SYNRG: variants seen among roughly 807,000 people sequenced by gnomAD.
SYNRG encodes AP1 gamma subunit binding protein 1.
SYNRG carries 37 observed loss-of-function variants against 130.9 expected under a neutral mutation model. That is an observed-to-expected ratio of 0.28 (90% CI 0.22 to 0.37). SYNRG has a LOEUF of 0.37. Ranked by LOEUF, SYNRG falls within the 10% of genes least tolerant of loss-of-function variation. The pLI is 1.00. For synonymous variants in SYNRG, 539 were observed against 568.1 expected (o/e 0.95, Z 0.73); for missense variants, 1,338 against 1,588.9 (o/e 0.84, Z 2.68).
chr17:37,540,373 C>T lies in SYNRG; in HGVS notation c.3366+7G>A. The T allele has an allele frequency of 6.2e-7, 1 of 1,613,204 alleles. No individual in the cohort carries two copies. The highest frequency in any genetic ancestry group is 1.1e-5 in the South Asian group (1 of 91,018). On this transcript the variant is annotated splice_region_variant and intron_variant, in intron 16 of 21. Transcript: ENST00000612223. ...TACCCACCCCTTGTAGAAAGCTCTC[C>T]TCTCACCTCCACCTCTCCCGTCAGG...
chr17:37,590,090 G>C (rs1050823480), intron 3 of SYNRG, among the ~76,000 whole-genome samples: 37 of 151,466 alleles, frequency 2.4e-4, no homozygotes, highest in African/African-American at 8.5e-4. Context: ...TGAATTACTT[G>C]AGCCCGGGAG....
chr17:37,565,733 G>T (rs796402846), intron 11 of SYNRG, among the ~76,000 whole-genome samples: 204 of 123,482 alleles, frequency 1.7e-3, no homozygotes, highest in Middle Eastern at 0.012. Context: ...CTGCCCGGCC[G>T]CGACCCTGTC....
At chr17:37,528,834 CACAG>C (rs1356062667) in intron 19 of SYNRG, among the ~76,000 whole-genome samples, 2 of 152,312 alleles carry the variant, frequency 1.3e-5, no homozygotes, top group African/African-American at 4.8e-5. Flanking sequence ...ACTCAAGTTT[CACAG>C]ACAGAGGACA....
chr17:37,540,845 G>C (rs2057693253), intron 15 of SYNRG: 1 of 918,358 alleles, frequency 1.1e-6, no homozygotes, highest in Non-Finnish European at 1.3e-6. Context: ...GTGTTGGCCA[G>C]GCTGGTCTCG....
chr17:37,556,638 A>G (rs756474537), intron 13 of SYNRG, among the ~76,000 whole-genome samples: 6 of 152,012 alleles, frequency 3.9e-5, no homozygotes, highest in Non-Finnish European at 8.8e-5. Flanking sequence ...ATCAACACCA[A>G]GGAATTCATC....
At position 37,609,320 on chromosome 17, in the gene SYNRG, G is replaced by C; in HGVS notation, c.36C>G (p.Gly12=). Reference sequence around the variant, plus strand: ...ACCCCGCGCCAGCTCCCGCGGCCCCGCCGCCACCAGAACCAGCTCCTGGCC... The same window carrying C: ...ACCCCGCGCCAGCTCCCGCGGCCCCCCCGCCACCAGAACCAGCTCCTGGCC... ...ALRPGAGSGG[G]GAAGAGAGSA... Residue 12 remains glycine (G), a synonymous_variant, in exon 1 of 22, where the codon GGC becomes GGG. Transcript: ENST00000612223. The C allele has an allele frequency of 1.4e-6, 2 of 1,465,702 alleles. No homozygotes were observed. Among genetic ancestry groups the C allele is most frequent in the East Asian group, 3.0e-5 (1 of 33,828 alleles). The allele number at this position is 1,465,702 out of a possible 1,614,324, so 90.8% of individuals were successfully genotyped here. A position where few individuals can be genotyped will look rare whatever the true frequency, so the allele number is the denominator to read the frequency against.
intron 12 of SYNRG, 59 bp from the exon 13 acceptor site, chr17:37,561,316 G>C: frequency 1.3e-6 from 2 of 1,572,360 alleles, no homozygotes; most frequent in Non-Finnish European, 1.7e-6. Context: ...CACAGCTCCA[G>C]GAAGTGAGGC....
At chr17:37,559,057 A>C (rs2059326614) in intron 13 of SYNRG, among the ~76,000 whole-genome samples, 1 of 152,200 alleles carries the variant, frequency 6.6e-6, no homozygotes, top group Non-Finnish European at 1.5e-5. Flanking sequence ...CCATGCTACT[A>C]ATGAAGGAAA....
At position 37,577,395 on chromosome 17, in the gene SYNRG, A is replaced by T; in HGVS notation, c.808T>A (p.Ser270Thr). ...ACGAGCTCACCACTCTCTTCAATTGACAGGTTTTGATCTGAAGTATTTTCT... is the reference window on the plus strand; with the variant it reads ...ACGAGCTCACCACTCTCTTCAATTGTCAGGTTTTGATCTGAAGTATTTTCT... ...EAENTSDQNL[S>T]IEESGVGVFP... Residue 270 changes from serine (S) to threonine (T), a missense_variant, in exon 7 of 22, where the codon TCA becomes ACA. Ser to Thr is a moderately conservative substitution (Grantham distance 58). Coordinates refer to ENST00000612223, the MANE Select transcript of SYNRG (RefSeq NM_007247.6). 1 of 1,614,190 alleles carries T rather than the reference A, an allele frequency of 6.2e-7. No individual in the cohort carries two copies.
chr17:37,588,036 T>C (rs1359580803), intron 3 of SYNRG, among the ~76,000 whole-genome samples: 3 of 152,174 alleles, frequency 2.0e-5, no homozygotes, highest in Non-Finnish European at 2.9e-5. Flanking sequence ...TGATTAATCA[T>C]CTTCATTATA....
chr17:37,521,877 A>C (rs1678708077), intron 19 of SYNRG, among the ~76,000 whole-genome samples: 1 of 152,082 alleles, frequency 6.6e-6, no homozygotes, highest in African/African-American at 2.4e-5. Context: ...CACCATAATA[A>C]GACACGTGAG....
At chr17:37,535,934 GT>G in intron 19 of SYNRG, 44 bp downstream of exon 19, 1 of 1,609,268 alleles carries the variant, frequency 6.2e-7, no homozygotes, top group Non-Finnish European at 8.5e-7. Flanking sequence ...TACAACTTAG[GT>G]TTCTGGAAAG....
Position 37,518,822 on chromosome 17 carries a change from G to C in SYNRG, c.*118C>G. The C allele has an allele frequency of 6.9e-7, 1 of 1,444,662 alleles. No homozygotes were observed. Among genetic ancestry groups the C allele is most frequent in the East Asian group, 2.3e-5 (1 of 42,932 alleles). The allele number at this position is 1,444,662 out of a possible 1,614,324, so 89.5% of individuals were successfully genotyped here. A position where few individuals can be genotyped will look rare whatever the true frequency, so the allele number is the denominator to read the frequency against. On this transcript the variant is annotated 3_prime_UTR_variant, in exon 22 of 22. Transcript: ENST00000612223. ...TGACGGGGGCCCCGTCCCTTGCGGT[G>C]TTCTTCATATCGATTCAGGGAAGCG...
intron 2 of SYNRG, among the ~76,000 whole-genome samples, chr17:37,597,206 T>C (rs931323620): frequency 2.0e-5 from 3 of 152,200 alleles, no homozygotes; most frequent in African/African-American, 7.2e-5. Flanking sequence ...GAATTTGCCA[T>C]CTATCTCAGC....
intron 10 of SYNRG, among the ~76,000 whole-genome samples, chr17:37,569,235 C>T (rs1038578395): frequency 7.2e-5 from 11 of 152,126 alleles, no homozygotes; most frequent in South Asian, 2.1e-4. Flanking sequence ...CATGGCGAAA[C>T]GCCATCTCCA....
intron 6 of SYNRG, among the ~76,000 whole-genome samples, chr17:37,578,561 A>ACAT (rs1375692892): frequency 6.6e-6 from 1 of 152,208 alleles, no homozygotes; most frequent in Non-Finnish European, 1.5e-5. Flanking sequence ...CTGGCCAGTA[A>ACAT]CATCATCATC....
At chr17:37,591,199 T>C (rs1463652528) in intron 3 of SYNRG, among the ~76,000 whole-genome samples, 2 of 152,178 alleles carry the variant, frequency 1.3e-5, no homozygotes, top group Admixed American at 6.5e-5. Flanking sequence ...ATGTGAACAC[T>C]GACATTTAAA....
intron 3 of SYNRG, among the ~76,000 whole-genome samples, chr17:37,587,123 A>G (rs1176001894): frequency 2.6e-5 from 4 of 152,154 alleles, no homozygotes; most frequent in African/African-American, 9.7e-5. Context: ...AATAATAATA[A>G]CACAATAGCT....
At chr17:37,548,053 T>G (rs912125965) in intron 14 of SYNRG, among the ~76,000 whole-genome samples, 2 of 152,252 alleles carry the variant, frequency 1.3e-5, no homozygotes, top group Non-Finnish European at 2.9e-5. Flanking sequence ...TGTGAATGTA[T>G]GCTTTACACA....
Sources: gnomAD v4.1 joint callset for allele counts (sites outside exome capture counted in the v4.1 genomes callset) on GRCh38, gnomAD v4.1.1 for gene constraint, MANE v1.5 for transcripts, NCBI Gene and HGNC (gene_info 2026-07-23, HGNC 2026-07-21) for gene names.